MYCBP2: variants seen among roughly 807,000 people sequenced by gnomAD.
MYCBP2 encodes MYC binding protein 2.
In MYCBP2, 120 loss-of-function variants were observed where a neutral mutation model predicts 525.3. That is an observed-to-expected ratio of 0.23 (90% confidence interval 0.20 to 0.27). MYCBP2 has a LOEUF of 0.27. MYCBP2 is among the 10% of genes least tolerant of loss of function. The pLI is 1.00. For synonymous variants in MYCBP2, 1,894 were observed against 1,955.8 expected, an observed-to-expected ratio of 0.97 and a Z score of 0.83; for missense variants, 4,149 against 5,657.1, an observed-to-expected ratio of 0.73 and a Z score of 8.55.
At chr13:77,165,602 C>T (rs1290593425) in intron 41 of MYCBP2, among the ~76,000 whole-genome samples, 1 of 152,106 alleles carries the variant, frequency 6.6e-6, no homozygotes, top group Non-Finnish European at 1.5e-5. Flanking sequence ...ACAGGTCTAT[C>T]GCAAATGAAT....
At chr13:77,271,768 CCT>C (rs1225105713) in intron 5 of MYCBP2, among the ~76,000 whole-genome samples, 3 of 152,210 alleles carry the variant, frequency 2.0e-5, no homozygotes, top group African/African-American at 7.2e-5. Flanking sequence ...ATCCATTAAA[CCT>C]CTTTCTTTTG....
intron 27 of MYCBP2, among the ~76,000 whole-genome samples, chr13:77,193,553 G>A (rs999944549): frequency 7.2e-5 from 11 of 152,058 alleles, no homozygotes; most frequent in African/African-American, 2.7e-4. Flanking sequence ...AGGGAACACT[G>A]ATCATAACAC....
At chr13:77,159,614 T>C (rs2057635627) in intron 44 of MYCBP2, among the ~76,000 whole-genome samples, 1 of 152,156 alleles carries the variant, frequency 6.6e-6, no homozygotes. Flanking sequence ...CTTGCTGTTT[T>C]CCTTACAATA....
Position 77,264,886 on chromosome 13 carries a change from CAT to C in MYCBP2, c.1358-886_1358-885del, listed in dbSNP as rs900604567. On this transcript the variant is annotated intron_variant, in intron 8 of 82. Coordinates refer to ENST00000544440, the MANE Select transcript of MYCBP2 (RefSeq NM_015057.5). ...TTAAAAGCACACACACACACACACA[CAT>C]ACTTCCCAAAATAACTGCAGAAAAC... Among the ~76,000 whole-genome samples, 9 of 152,154 alleles carry C rather than the reference CAT, an allele frequency of 5.9e-5. No homozygotes were observed. The East Asian group carries it at 1.2e-3, about 20-fold the overall frequency.
At position 77,257,737 on chromosome 13, in the gene MYCBP2, T is replaced by A; in HGVS notation, c.2110A>T (p.Thr704Ser). The A allele has an allele frequency of 6.2e-7, 1 of 1,613,534 alleles. No homozygotes were observed. The highest frequency in any genetic ancestry group is 8.5e-7 in the Non-Finnish European group (1 of 1,179,754). The change falls in exon 14 of 83, where the codon ACA (threonine) becomes TCA (serine). Residue 704 changes from threonine (T) to serine (S), a missense_variant. Physicochemically the swap from Thr to Ser is moderately conservative, Grantham distance 58. Around this residue, in one of 21 missense-constraint regions of MYCBP2, gnomAD observed 262 missense variants for 419.3 expected, o/e 0.62. Transcript: ENST00000544440. Reference sequence around the variant, plus strand: ...TGTCCTTTATTATTTACACCAAATGTCCACACCTCTCCATTCTTCATTAAA... The same window carrying A: ...TGTCCTTTATTATTTACACCAAATGACCACACCTCTCCATTCTTCATTAAA... The part of the protein sequence containing the change: ...CVLMKNGEVW[T>S]FGVNNKGQCG...
intron 20 of MYCBP2, among the ~76,000 whole-genome samples, chr13:77,223,952 G>A (rs1228807563): frequency 6.6e-6 from 1 of 152,170 alleles, no homozygotes; most frequent in African/African-American, 2.4e-5. Flanking sequence ...ATTACCACCA[G>A]TCTCTCTACT....
chr13:77,255,449 C>T (rs904467799), intron 14 of MYCBP2, among the ~76,000 whole-genome samples: 3 of 151,730 alleles, frequency 2.0e-5, no homozygotes, highest in Admixed American at 6.6e-5. Context: ...TGTAAATGTA[C>T]GCTCAATTTT....
Position 77,081,361 on chromosome 13 carries a change from T to C in MYCBP2, c.11418+66A>G. Reference sequence around the variant, plus strand: ...TAAAGCTTGTTGCTAAATTCAGAAATGAAAGTGCATGAATACTAAGATCTG... The same window carrying C: ...TAAAGCTTGTTGCTAAATTCAGAAACGAAAGTGCATGAATACTAAGATCTG... On this transcript the variant is annotated intron_variant, in intron 65 of 82. Coordinates refer to ENST00000544440, the MANE Select transcript of MYCBP2 (RefSeq NM_015057.5). This position sits in a 1 kb window ranked among gnomAD's most constrained non-coding sequence, Gnocchi z 4.6. The C allele has an allele frequency of 1.3e-5, 18 of 1,339,872 alleles. No homozygotes were observed. The highest frequency in any genetic ancestry group is 1.9e-5 in the Non-Finnish European group (18 of 958,686). 83.0% of individuals were successfully genotyped at this position (1,339,872 alleles called of 1,614,324 possible).
chr13:77,057,185 A>G (rs904163737), intron 78 of MYCBP2, 92 bp from the exon 79 acceptor site: 1 of 835,542 alleles, frequency 1.2e-6, no homozygotes, highest in Non-Finnish European at 1.9e-6. Flanking sequence ...GCACTACTTA[A>G]AGCAGGTAAG....
At chr13:77,223,641 G>C (rs1344642534) in intron 20 of MYCBP2, among the ~76,000 whole-genome samples, 1 of 152,138 alleles carries the variant, frequency 6.6e-6, no homozygotes, top group Non-Finnish European at 1.5e-5. Context: ...CAGAGACCCA[G>C]CCTATTCCCA....
chr13:77,260,688 T>C, intron 12 of MYCBP2, 96 bp from the exon 13 acceptor site: 1 of 1,094,042 alleles, frequency 9.1e-7, no homozygotes, highest in Non-Finnish European at 1.3e-6. Flanking sequence ...CCATATTATT[T>C]GCATTTATGA....
At chr13:77,126,625 G>T in intron 52 of MYCBP2, 83 bp from the exon 53 acceptor site, 2 of 1,026,954 alleles carry the variant, frequency 1.9e-6, no homozygotes, top group Non-Finnish European at 2.9e-6. Flanking sequence ...AGCTTTTATA[G>T]CAAGTCTACA....
intron 20 of MYCBP2, 139 bp from the exon 21 acceptor site, chr13:77,218,096 C>T (rs1449104422): frequency 9.9e-6 from 5 of 504,302 alleles, no homozygotes; most frequent in Admixed American, 3.9e-5. Context: ...AAGTGCTAAA[C>T]GCCTATCTCC....
chr13:77,092,106 AT>A (rs2045531471), intron 59 of MYCBP2, among the ~76,000 whole-genome samples: 1 of 148,712 alleles, frequency 6.7e-6, no homozygotes, highest in South Asian at 2.1e-4. Flanking sequence ...CCTCATTTGG[AT>A]ATATATGTCC....
chr13:77,163,463 T>C (rs2058178559), intron 43 of MYCBP2, among the ~76,000 whole-genome samples: 1 of 152,052 alleles, frequency 6.6e-6, no homozygotes, highest in Admixed American at 6.6e-5. Flanking sequence ...GGAAGAGTAA[T>C]CTTCAATGAA....
At chr13:77,233,094 A>G in intron 18 of MYCBP2, 62 bp downstream of exon 18, 3 of 1,437,628 alleles carry the variant, frequency 2.1e-6, no homozygotes, top group Non-Finnish European at 2.9e-6. Context: ...CAGAGACAAA[A>G]TTCAAATGAG....
At chr13:77,221,660 A>G (rs558187179) in intron 20 of MYCBP2, among the ~76,000 whole-genome samples, 1 of 152,264 alleles carries the variant, frequency 6.6e-6, no homozygotes, top group East Asian at 1.9e-4. Context: ...CCCAGTTTCT[A>G]TGGCTCACAA....
intron 65 of MYCBP2, among the ~76,000 whole-genome samples, chr13:77,079,565 T>A (rs1207152204): frequency 1.3e-5 from 2 of 152,170 alleles, no homozygotes; most frequent in Non-Finnish European, 2.9e-5. Flanking sequence ...CAACAAATGC[T>A]GTGTACAAGG....
At chr13:77,286,839 A>C (rs532746896) in intron 3 of MYCBP2, among the ~76,000 whole-genome samples, 4 of 131,778 alleles carry the variant, frequency 3.0e-5, no homozygotes, top group Non-Finnish European at 4.7e-5. Flanking sequence ...TCTTAAATAT[A>C]CCAATACTTA....
Sources: allele counts gnomAD v4.1 joint callset (sites outside exome capture counted in the v4.1 genomes callset), GRCh38; gene constraint gnomAD v4.1.1; regional missense constraint gnomAD v4.1.1; non-coding constraint Gnocchi (gnomAD v3.1); transcripts MANE v1.5; gene names NCBI Gene and HGNC (gene_info 2026-07-23, HGNC 2026-07-21).